The following KIAA1549L variants were observed in gnomAD, a reference collection of about 807,000 sequenced individuals.
KIAA1549L encodes UPF0606 protein KIAA1549L.
A neutral mutation model predicts 160.7 loss-of-function variants in KIAA1549L; 88 were observed. That is an observed-to-expected ratio of 0.55 (90% CI 0.46 to 0.65). KIAA1549L has a LOEUF of 0.65. Ranked by LOEUF, KIAA1549L falls within the 30% of genes least tolerant of loss-of-function variation. KIAA1549L has a pLI of 0.00. For synonymous variants in KIAA1549L, 950 were observed against 976.7 expected (o/e 0.97, Z 0.51); for missense variants, 2,258 against 2,437.5 (o/e 0.93, Z 1.55).
rs1396608431 is a variant in KIAA1549L at position 33,534,230 on chromosome 11, C to T, written c.239-7572C>T. Among the ~76,000 whole-genome samples, 4 of 151,956 alleles carry T rather than the reference C, an allele frequency of 2.6e-5. No individual in the cohort carries two copies. The East Asian group carries it at 5.8e-4, about 22-fold the overall frequency. Reference sequence around the variant, plus strand: ...CCTGAGTAGCTGGGATTACAGGTTCCCACCACCACGCCCAGCTAATTTTTT... The same window carrying T: ...CCTGAGTAGCTGGGATTACAGGTTCTCACCACCACGCCCAGCTAATTTTTT... On this transcript the variant is annotated intron_variant, in intron 1 of 20. Transcript: ENST00000658780.
intron 1 of KIAA1549L, among the ~76,000 whole-genome samples, chr11:33,389,598 C>A (rs986287484): frequency 6.6e-6 from 1 of 152,172 alleles, no homozygotes; most frequent in Non-Finnish European, 1.5e-5. Flanking sequence ...AGCTGGTGAA[C>A]CCTACGGAAA....
intron 7 of KIAA1549L, among the ~76,000 whole-genome samples, chr11:33,561,214 G>A (rs1394719382): frequency 6.6e-6 from 1 of 152,178 alleles, no homozygotes; most frequent in East Asian, 1.9e-4. Context: ...TAAAGAGAAA[G>A]CTACAGCAAA....
At chr11:33,402,413 A>G (rs1590220746) in intron 1 of KIAA1549L, among the ~76,000 whole-genome samples, 1 of 151,936 alleles carries the variant, frequency 6.6e-6, no homozygotes, top group South Asian at 2.1e-4. Context: ...TCTCATCTGG[A>G]TGATTTCTGT....
intron 17 of KIAA1549L, among the ~76,000 whole-genome samples, chr11:33,647,443 AT>A: frequency 6.7e-6 from 1 of 149,968 alleles, no homozygotes; most frequent in Non-Finnish European, 1.5e-5. Flanking sequence ...ACATTTCCAT[AT>A]TTGAAAAAGC....
Position 33,547,817 on chromosome 11 carries a change from A to G in KIAA1549L, c.3439A>G (p.Ile1147Val), listed in dbSNP as rs371390487. 1.6e-4 allele frequency: 263 copies of G among 1,613,802 alleles called. 2 individuals are homozygous for G. The South Asian group carries it at 2.3e-3, about 14-fold the overall frequency. Residue 1147 changes from isoleucine to valine, a missense_variant, in exon 4 of 21, where the codon ATC becomes GTC. Physicochemically the swap from Ile to Val is conservative, Grantham distance 29. Transcript: ENST00000658780. ...GATCAGTGAATCCTTGAAGTTCAGT[A>G]TCGCCAAAGGGCTCACACAGGCATT... ...VQISESLKFSIAKGLTQALRK... is the reference protein window; with the variant it reads ...VQISESLKFSVAKGLTQALRK...
chr11:33,520,524 A>G (rs188391021), intron 1 of KIAA1549L, among the ~76,000 whole-genome samples: 2 of 152,224 alleles, frequency 1.3e-5, no homozygotes, highest in East Asian at 3.9e-4. Context: ...CTCAGTTTAG[A>G]TTTACTAACT....
chr11:33,565,116 A>G (rs1855004784), intron 8 of KIAA1549L, among the ~76,000 whole-genome samples: 2 of 152,060 alleles, frequency 1.3e-5, no homozygotes, highest in Admixed American at 1.3e-4. Flanking sequence ...TGTCTGCGCC[A>G]GGTCTGAGCT....
intron 1 of KIAA1549L, among the ~76,000 whole-genome samples, chr11:33,462,828 G>A (rs917859547): frequency 2.6e-5 from 4 of 151,252 alleles, no homozygotes; most frequent in African/African-American, 4.9e-5. Flanking sequence ...ATTGTTCAAC[G>A]GCAGCTTTCT....
intron 1 of KIAA1549L, among the ~76,000 whole-genome samples, chr11:33,438,755 T>A (rs1851430853): frequency 6.6e-6 from 1 of 152,318 alleles, no homozygotes; most frequent in Admixed American, 6.5e-5. Context: ...GTTAGAAGTC[T>A]TGGAAGACTT....
rs1029424826 is a variant in KIAA1549L, at chr11:33,658,675, G to A, written c.5859-75G>A. The A allele has an allele frequency of 1.2e-4, 170 of 1,466,772 alleles. No individual in the cohort carries two copies. In the Admixed American group the frequency reaches 2.0e-3, roughly 17 times the overall value. The allele number at this position is 1,466,772 out of a possible 1,614,324, so 90.9% of individuals were successfully genotyped here. ...GCAGCTGTCCATGCCCAAAGGTGACGGGGCGCACTCCTCCTGCTCGGGACG... is the reference window on the plus strand; with the variant it reads ...GCAGCTGTCCATGCCCAAAGGTGACAGGGCGCACTCCTCCTGCTCGGGACG... On this transcript the variant is annotated intron_variant, in intron 18 of 20. Coordinates refer to ENST00000658780, the MANE Select transcript of KIAA1549L (RefSeq NM_012194.3).
At chr11:33,397,507 G>C (rs552987790) in intron 1 of KIAA1549L, among the ~76,000 whole-genome samples, 2 of 149,836 alleles carry the variant, frequency 1.3e-5, no homozygotes, top group South Asian at 2.1e-4. Context: ...TCAGGAGTTC[G>C]ACACCAGCCT....
intron 1 of KIAA1549L, among the ~76,000 whole-genome samples, chr11:33,384,927 C>T (rs1157419382): frequency 6.9e-6 from 1 of 144,782 alleles, no homozygotes; most frequent in East Asian, 2.0e-4. Context: ...TTATTAACAG[C>T]GTTTTTTTTG....
intron 1 of KIAA1549L, among the ~76,000 whole-genome samples, chr11:33,494,179 T>G (rs571198066): frequency 7.3e-4 from 111 of 152,364 alleles, no homozygotes; most frequent in African/African-American, 2.5e-3. Flanking sequence ...CACTGTTGAT[T>G]TTGTTTTTTG....
rs540297788 is a variant in KIAA1549L, at chr11:33,669,246, G to GAGTT, written c.*1095_*1098dup. The GAGTT allele has an allele frequency of 1.6e-3, 244 of 152,330 alleles. 1 individual carries two copies. Among genetic ancestry groups the GAGTT allele is most frequent in the African/African-American group, 5.8e-3 (240 of 41,566 alleles). The allele number at this position is 152,330 out of a possible 1,614,324, so 9.4% of individuals were successfully genotyped here. The stretch of plus-strand genomic sequence containing the variant: ...TAAATAACCTTTTAAAAAGCGTATG[G>GAGTT]AGTTAGCCAGTTCCCCCTAGTTAAT... On this transcript the variant is annotated 3_prime_UTR_variant, in exon 21 of 21. Transcript: ENST00000658780.
At chr11:33,637,044 C>T (rs1429765233) in intron 16 of KIAA1549L, among the ~76,000 whole-genome samples, 1 of 152,054 alleles carries the variant, frequency 6.6e-6, no homozygotes, top group Non-Finnish European at 1.5e-5. Context: ...AATGCTTGCC[C>T]CAGGGGAAGA....
At chr11:33,524,615 T>TAGGAAA (rs1853572471) in intron 1 of KIAA1549L, among the ~76,000 whole-genome samples, 1 of 152,210 alleles carries the variant, frequency 6.6e-6, no homozygotes, top group Non-Finnish European at 1.5e-5. Flanking sequence ...TAGGTATAGC[T>TAGGAAA]TTTACTGTTC....
At chr11:33,466,856 A>G (rs1355781562) in intron 1 of KIAA1549L, among the ~76,000 whole-genome samples, 1 of 152,008 alleles carries the variant, frequency 6.6e-6, no homozygotes, top group African/African-American at 2.4e-5. Flanking sequence ...TTCTCAGCAA[A>G]ATATCACAAG....
chr11:33,638,222 C>T lies in KIAA1549L; in HGVS notation c.5410-7464C>T, dbSNP rs144790102. On this transcript the variant is annotated intron_variant, in intron 16 of 20. Coordinates refer to ENST00000658780, the MANE Select transcript of KIAA1549L (RefSeq NM_012194.3). ...GACCAATGAAAATACCAAACGTTTTCATCACTCCCAGAAAACTCCCTCACT... is the reference window on the plus strand; with the variant it reads ...GACCAATGAAAATACCAAACGTTTTTATCACTCCCAGAAAACTCCCTCACT... 7.0e-3 allele frequency among the ~76,000 whole-genome samples: 1,065 copies of T among 152,252 alleles called. 8 individuals carry two copies. The highest frequency in any genetic ancestry group is 0.023 in the African/African-American group (976 of 41,558).
intron 19 of KIAA1549L, among the ~76,000 whole-genome samples, chr11:33,659,159 A>G (rs1852177775): frequency 6.6e-6 from 1 of 152,118 alleles, no homozygotes; most frequent in South Asian, 2.1e-4. Flanking sequence ...CTTCAGTTCA[A>G]TTTTTTTGGT....
Sources: gnomAD v4.1 joint callset for allele counts (sites outside exome capture counted in the v4.1 genomes callset) on GRCh38, gnomAD v4.1.1 for gene constraint, MANE v1.5 for transcripts, NCBI Gene and HGNC (gene_info 2026-07-23, HGNC 2026-07-21) for gene names.